Variants in MCRIP2 observed in about 807,000 individuals in gnomAD.
The protein encoded by MCRIP2 is MAPK regulated co-repressor interacting protein 2.
In MCRIP2, 21 loss-of-function variants were observed where a neutral mutation model predicts 23.2. That is an observed-to-expected ratio of 0.90 (90% CI 0.64 to 1.30). The LOEUF (loss-of-function observed/expected upper bound fraction) is 1.30. Among genes scored for constraint, MCRIP2 ranks in the 50% most tolerant of loss-of-function variants. MCRIP2 has a pLI of 0.00. For missense variants in MCRIP2, 234 were observed against 223.2 expected (o/e 1.05, Z -0.31); for synonymous variants, 121 against 100.2 (o/e 1.21, Z -1.24).
chr16:642,437 A>G (rs1160263560), intron 2 of MCRIP2, 188 bp downstream of exon 2: 2 of 419,492 alleles, frequency 4.8e-6, no homozygotes, highest in East Asian at 7.4e-5. Flanking sequence ...TGCGCCTCGC[A>G]CTTCCGCCTC....
intron 4 of MCRIP2, 64 bp from the exon 5 acceptor site, chr16:648,056 T>C: frequency 6.7e-7 from 1 of 1,498,362 alleles, no homozygotes; most frequent in Non-Finnish European, 9.1e-7. Context: ...TGTGGTTAGC[T>C]CCAGGGGAGA....
In MCRIP2 at chr16:648,413, C is replaced by T. The variant is rs1337173948; in HGVS notation, c.*223C>T. 7.0e-6 allele frequency: 4 copies of T among 570,892 alleles called. No individual in the cohort carries two copies. The highest frequency in any genetic ancestry group is 1.2e-5 in the Non-Finnish European group (4 of 320,026). 35.4% of individuals were successfully genotyped at this position (570,892 alleles called of 1,614,324 possible). A position where few individuals can be genotyped will look rare whatever the true frequency, so the allele number is the denominator to read the frequency against. ...AGCCCTGCTCACTGTGCCCAGGGAC[C>T]AGCGACCAGCCCCTGGGGCTGGCAG... On this transcript the variant is annotated 3_prime_UTR_variant, in exon 5 of 5. Coordinates refer to ENST00000307650, the MANE Select transcript of MCRIP2 (RefSeq NM_138418.4).
rs1482970702 is a variant in MCRIP2 at position 646,013 on chromosome 16, T to A, written c.183-1404T>A. On this transcript the variant is annotated intron_variant, in intron 2 of 4. Coordinates refer to ENST00000307650, the MANE Select transcript of MCRIP2 (RefSeq NM_138418.4). The surrounding 1 kb of genome is among the most constrained non-coding windows in gnomAD (Gnocchi z 6.5). The stretch of plus-strand genomic sequence containing the variant: ...GGGCTGAAGTTTGCCCGGAGCAGTG[T>A]CCCTGGAAGTGGGAGAGGTTGGCGG... 1 of 152,188 alleles carries A rather than the reference T, an allele frequency of 6.6e-6. No homozygotes were observed. The highest frequency in any genetic ancestry group is 2.1e-4 in the South Asian group (1 of 4,826). 9.4% of individuals were successfully genotyped at this position (152,188 alleles called of 1,614,324 possible).
Position 646,299 on chromosome 16 carries a change from CTT to C in MCRIP2, c.183-1116_183-1115del, listed in dbSNP as rs1447456750. The C allele has an allele frequency of 1.3e-5, 2 of 152,182 alleles. No individual in the cohort carries two copies. Among genetic ancestry groups the C allele is most frequent in the East Asian group, 1.9e-4 (1 of 5,178 alleles). The allele number at this position is 152,182 out of a possible 1,614,324, so 9.4% of individuals were successfully genotyped here. A position where few individuals can be genotyped will look rare whatever the true frequency, so the allele number is the denominator to read the frequency against. On this transcript the variant is annotated intron_variant, in intron 2 of 4. Coordinates refer to ENST00000307650, the MANE Select transcript of MCRIP2 (RefSeq NM_138418.4). This position sits in a 1 kb window ranked among gnomAD's most constrained non-coding sequence, Gnocchi z 6.5. ...CAAGGGGGCTTTCCAAGTGGACAAA[CTT>C]TATTCCCTGTGGTTTGTGCAGAAAC...
Position 648,317 on chromosome 16 carries a change from C to A in MCRIP2, c.*127C>A, listed in dbSNP as rs1230006585. 1.0e-6 allele frequency: 1 copy of A among 1,002,260 alleles called. No individual in the cohort carries two copies. Among genetic ancestry groups the A allele is most frequent in the East Asian group, 2.6e-5 (1 of 38,090 alleles). 62.1% of individuals were successfully genotyped at this position (1,002,260 alleles called of 1,614,324 possible). On this transcript the variant is annotated 3_prime_UTR_variant, in exon 5 of 5. Coordinates refer to ENST00000307650, the MANE Select transcript of MCRIP2 (RefSeq NM_138418.4). ...TGAAGTGCCAGCATTTGGACTTTTG[C>A]ACCTTTTTTTCCCTTGGCCCGGCTG...
chr16:647,944 A>G, intron 4 of MCRIP2, 60 bp downstream of exon 4: 3 of 1,003,964 alleles, frequency 3.0e-6, no homozygotes, highest in South Asian at 2.9e-5. Context: ...ATCCTGACCC[A>G]GGCCCTGCCA....
intron 2 of MCRIP2, 168 bp from the exon 3 acceptor site, chr16:647,249 G>A: frequency 1.2e-6 from 1 of 853,536 alleles, no homozygotes; most frequent in Non-Finnish European, 1.8e-6. Flanking sequence ...CTGCAAGAGA[G>A]GCCTGGGCCA....
rs570181717 is a variant in MCRIP2, at chr16:641,848, C to T, written c.-144C>T. ...CCTCCGCCGCGTGTCCGGGGTCAGC[C>T]CGAGCCCGTGCGGGCCCTTTAAGGG... On this transcript the variant is annotated 5_prime_UTR_variant, in exon 1 of 5. Coordinates refer to ENST00000307650, the MANE Select transcript of MCRIP2 (RefSeq NM_138418.4). 2 of 716,676 alleles carry T rather than the reference C, an allele frequency of 2.8e-6. No homozygotes were observed. Among genetic ancestry groups the T allele is most frequent in the African/African-American group, 3.7e-5 (2 of 53,708 alleles). 44.4% of individuals were successfully genotyped at this position (716,676 alleles called of 1,614,324 possible).
At chr16:642,315 C>T in intron 2 of MCRIP2, 66 bp downstream of exon 2, 1 of 1,131,048 alleles carries the variant, frequency 8.8e-7, no homozygotes, top group Non-Finnish European at 1.1e-6. Flanking sequence ...CGCCCTAGAG[C>T]GGAGGGTGAC....
Position 648,111 on chromosome 16 carries a change from T to C in MCRIP2, c.413-9T>C, listed in dbSNP as rs200729583. 242 of 1,593,790 alleles carry C rather than the reference T, an allele frequency of 1.5e-4. 4 individuals are homozygous for C. In the South Asian group the frequency reaches 2.3e-3, roughly 15 times the overall value. On this transcript the variant is annotated splice_polypyrimidine_tract_variant and intron_variant, in intron 4 of 4. Coordinates refer to ENST00000307650, the MANE Select transcript of MCRIP2 (RefSeq NM_138418.4). ...GGCAGCATCACTGCCCAGCCTTCTC[T>C]GCCCACAGACTTTGTGCCCATTGAC...
rs994555812 is a variant in MCRIP2, at chr16:641,965, C to A, written c.-27C>A. 7.7e-7 allele frequency: 1 copy of A among 1,305,972 alleles called. No individual in the cohort carries two copies. The allele number at this position is 1,305,972 out of a possible 1,614,324, so 80.9% of individuals were successfully genotyped here. Reference sequence around the variant, plus strand: ...CGCAGGGGCCGGATCTGGCCGGGGGCCGGCGGCGGTGTGGGAGCGGCGCGT... The same window carrying A: ...CGCAGGGGCCGGATCTGGCCGGGGGACGGCGGCGGTGTGGGAGCGGCGCGT... On this transcript the variant is annotated 5_prime_UTR_variant, in exon 1 of 5. Coordinates refer to ENST00000307650, the MANE Select transcript of MCRIP2 (RefSeq NM_138418.4).
At chr16:643,901 AC>A (rs1253231282) in intron 2 of MCRIP2, among the ~76,000 whole-genome samples, 1 of 151,766 alleles carries the variant, frequency 6.6e-6, no homozygotes, top group Non-Finnish European at 1.5e-5. Flanking sequence ...AGTGGGCTTC[AC>A]CCCGTGTGCA....
intron 3 of MCRIP2, 116 bp downstream of exon 3, chr16:647,660 C>T: frequency 6.5e-7 from 1 of 1,532,216 alleles, no homozygotes; most frequent in Non-Finnish European, 8.9e-7. Flanking sequence ...TTTTCCTTGG[C>T]ACTCTGCCCT....
chr16:642,297 C>T (rs986360764), intron 2 of MCRIP2, 48 bp downstream of exon 2: 34 of 1,143,568 alleles, frequency 3.0e-5, no homozygotes, highest in Non-Finnish European at 3.6e-5. Flanking sequence ...TTCCCCTCCC[C>T]CGCCGGCCGC....
In MCRIP2 at chr16:642,260, C is replaced by T; in HGVS notation, c.182+11C>T. On this transcript the variant is annotated intron_variant, in intron 2 of 4. Coordinates refer to ENST00000307650, the MANE Select transcript of MCRIP2 (RefSeq NM_138418.4). ...CTGGCCCCTGTCGAGGTGAGACGCGCGCGGCCCCGGCCCGGCCCGGCCCGG... is the reference window on the plus strand; with the variant it reads ...CTGGCCCCTGTCGAGGTGAGACGCGTGCGGCCCCGGCCCGGCCCGGCCCGG... 1.7e-6 allele frequency: 2 copies of T among 1,176,166 alleles called. No homozygotes were observed. The highest frequency in any genetic ancestry group is 2.1e-6 in the Non-Finnish European group (2 of 953,414). The allele number at this position is 1,176,166 out of a possible 1,614,324, so 72.9% of individuals were successfully genotyped here.
rs2037356058 is a variant in MCRIP2, at chr16:642,102, GC to G, written c.53-12del. On this transcript the variant is annotated splice_polypyrimidine_tract_variant and intron_variant, in intron 1 of 4. Transcript: ENST00000307650. ...GGGCGGGGCGCGGCGGCGGCTGACCGCCCCCCGGTGCCCGCAGGTCCCACGC... is the reference window on the plus strand; with the variant it reads ...GGGCGGGGCGCGGCGGCGGCTGACCGCCCCCGGTGCCCGCAGGTCCCACGC... 36 of 1,329,142 alleles carry G rather than the reference GC, an allele frequency of 2.7e-5. No individual in the cohort carries two copies. The highest frequency in any genetic ancestry group is 1.7e-4 in the South Asian group (9 of 51,904). 82.3% of individuals were successfully genotyped at this position (1,329,142 alleles called of 1,614,324 possible). A position where few individuals can be genotyped will look rare whatever the true frequency, so the allele number is the denominator to read the frequency against.
At chr16:647,762 C>T (rs1331355036) in intron 3 of MCRIP2, 21 bp from the exon 4 acceptor site, 6 of 1,550,788 alleles carry the variant, frequency 3.9e-6, no homozygotes, top group Non-Finnish European at 4.4e-6. Flanking sequence ...CTGGCTCAGC[C>T]CGACTGCCCT....
chr16:647,910 A>G (rs765735457), intron 4 of MCRIP2, 26 bp downstream of exon 4: 1 of 986,626 alleles, frequency 1.0e-6, no homozygotes, highest in Non-Finnish European at 1.3e-6. Flanking sequence ...CTGTCCCCCC[A>G]GGAGAGACCC....
chr16:648,426 C>T lies in MCRIP2; in HGVS notation c.*236C>T, dbSNP rs2037565830. ...GTGCCCAGGGACCAGCGACCAGCCCCTGGGGCTGGCAGGGAGGAGCTCCAG... is the reference window on the plus strand; with the variant it reads ...GTGCCCAGGGACCAGCGACCAGCCCTTGGGGCTGGCAGGGAGGAGCTCCAG... On this transcript the variant is annotated 3_prime_UTR_variant, in exon 5 of 5. Transcript: ENST00000307650. 1.8e-6 allele frequency: 1 copy of T among 562,916 alleles called. No homozygotes were observed. The highest frequency in any genetic ancestry group is 3.3e-5 in the Admixed American group (1 of 30,672). The allele number at this position is 562,916 out of a possible 1,614,324, so 34.9% of individuals were successfully genotyped here.
Sources: gnomAD v4.1 joint callset for allele counts (sites outside exome capture counted in the v4.1 genomes callset) on GRCh38, gnomAD v4.1.1 for gene constraint, Gnocchi (gnomAD v3.1) non-coding constraint, MANE v1.5 for transcripts, NCBI Gene and HGNC (gene_info 2026-07-23, HGNC 2026-07-21) for gene names.